Variants in CAMTA2 observed in about 807,000 individuals in gnomAD.
CAMTA2 encodes the protein calmodulin-binding transcription activator 2.
In CAMTA2, 56 loss-of-function variants were observed where a neutral mutation model predicts 135.7. That is an observed-to-expected ratio of 0.41 (90% CI 0.33 to 0.52). The LOEUF (loss-of-function observed/expected upper bound fraction) is 0.52, where lower values mean the gene tolerates loss of function less well. CAMTA2 is among the 20% of genes least tolerant of loss of function. The pLI is 0.16. For missense variants in CAMTA2, 1,358 were observed against 1,553.4 expected (o/e 0.87, Z 2.11); for synonymous variants, 591 against 604.6 (o/e 0.98, Z 0.33).
chr17:4,977,977 G>A (rs1972718207), intron 10 of CAMTA2, among the ~76,000 whole-genome samples: 1 of 152,220 alleles, frequency 6.6e-6, no homozygotes, highest in South Asian at 2.1e-4. Context: ...TTGAAACATG[G>A]TCAGTGAGAC....
In CAMTA2 at chr17:4,974,342, C is replaced by T. The variant is rs764066182; in HGVS notation, c.2016+43G>A. The stretch of plus-strand genomic sequence containing the variant: ...GATGTTTTCTTTAGCTGTGTCCTCC[C>T]CCTGCTCCCCACCGTAGACCACCTC... On this transcript the variant is annotated intron_variant, in intron 12 of 22. Coordinates refer to ENST00000348066, the MANE Select transcript of CAMTA2 (RefSeq NM_015099.4). 48 of 1,263,738 alleles carry T rather than the reference C, an allele frequency of 3.8e-5. No homozygotes were observed. The East Asian group carries it at 6.3e-4, about 16-fold the overall frequency. The allele number at this position is 1,263,738 out of a possible 1,614,324, so 78.3% of individuals were successfully genotyped here.
rs747439940 is a variant in CAMTA2 at position 4,972,866 on chromosome 17, A to C, written c.2406T>G (p.His802Gln). The C allele has an allele frequency of 4.3e-6, 7 of 1,613,762 alleles. No homozygotes were observed. The highest frequency in any genetic ancestry group is 5.9e-6 in the Non-Finnish European group (7 of 1,180,042). ...LPLSVAHSRG[H>Q]VRLARCLEEL... ...CCTCAAGGCAGCGGGCAAGGCGCACATGACCCCGGGAATGAGCCACAGACA... is the reference window on the plus strand; with the variant it reads ...CCTCAAGGCAGCGGGCAAGGCGCACCTGACCCCGGGAATGAGCCACAGACA... Residue 802 changes from histidine to glutamine, a missense_variant, in exon 15 of 23, where the codon CAT becomes CAG. By Grantham distance (24) the His-to-Gln change is conservative (BLOSUM62 0). Around this residue, in one of 4 missense-constraint regions of CAMTA2, gnomAD observed 1,077 missense variants for 1,127.5 expected, o/e 0.96. Transcript: ENST00000348066.
Position 4,981,346 on chromosome 17 carries a change from C to T in CAMTA2, c.579G>A (p.Lys193=). ...CTTCTGTTCCATTCCCGCAGCTCCA[C>T]TTGATGCCATGAACTAGAGAAGTTA... ...GQLKPMFHGI[K]WSCGNGTEEF... The change falls in exon 8 of 23, where the codon AAG becomes AAA. Residue 193 remains lysine, a synonymous_variant. Transcript: ENST00000348066. The T allele has an allele frequency of 1.2e-6, 2 of 1,614,092 alleles. No individual in the cohort carries two copies. The highest frequency in any genetic ancestry group is 1.7e-6 in the Non-Finnish European group (2 of 1,179,948).
In CAMTA2 at chr17:4,977,076, C is replaced by A; in HGVS notation, c.1882G>T (p.Asp628Tyr). 1 of 1,614,106 alleles carries A rather than the reference C, an allele frequency of 6.2e-7. No individual in the cohort carries two copies. The highest frequency in any genetic ancestry group is 8.5e-7 in the Non-Finnish European group (1 of 1,180,018). ...TACTCACCGTCCAGTGACAGCCAGTCAAGTTGAGTACTAGGCAGAGACAGG... is the reference window on the plus strand; with the variant it reads ...TACTCACCGTCCAGTGACAGCCAGTAAAGTTGAGTACTAGGCAGAGACAGG... ...RFLSLPSTQL[D>Y]WLSLDDNQFR... The change falls in exon 11 of 23, where the codon GAC becomes TAC. Residue 628 changes from aspartate to tyrosine, a missense_variant. Transcript: ENST00000348066.
chr17:4,978,384 A>C, intron 10 of CAMTA2, 120 bp downstream of exon 10: 2 of 1,063,320 alleles, frequency 1.9e-6, no homozygotes, highest in East Asian at 5.1e-5. Flanking sequence ...GACTGGATGA[A>C]GTCCTTGTGC....
At chr17:4,978,702 C>A in intron 9 of CAMTA2, 72 bp from the exon 10 acceptor site, 2 of 1,546,454 alleles carry the variant, frequency 1.3e-6, no homozygotes, top group South Asian at 1.2e-5. Flanking sequence ...TTTATTCAGA[C>A]CCTTACAGGG....
rs780552381 is a variant in CAMTA2 at position 4,981,662 on chromosome 17, C to G, written c.565+16G>C. The G allele has an allele frequency of 1.3e-6, 2 of 1,580,404 alleles. No homozygotes were observed. The highest frequency in any genetic ancestry group is 1.8e-5 in the Admixed American group (1 of 54,762). ...TACTCTCCCCTTGGAGCTCTATCCC[C>G]ACCCTGCTGCCTTACACATGGGCTT... On this transcript the variant is annotated intron_variant, in intron 7 of 22. Transcript: ENST00000348066.
Position 4,980,026 on chromosome 17 carries a change from T to G in CAMTA2, c.1296A>C (p.Ser432=), listed in dbSNP as rs778379418. ...QAAARGPPPQ[S]VAGGRRGNCF... is the part of the protein sequence containing the mutation. Reference sequence around the variant, plus strand: ...AGTTTCCTCTTCTCCCACCTGCTACTGACTGTGGTGGGGGACCCCGAGCAG... The same window carrying G: ...AGTTTCCTCTTCTCCCACCTGCTACGGACTGTGGTGGGGGACCCCGAGCAG... The change falls in exon 9 of 23, where the codon TCA becomes TCC. Residue 432 remains serine (S), a synonymous_variant. Transcript: ENST00000348066. This position sits in a 1 kb window ranked among gnomAD's most constrained non-coding sequence, Gnocchi z 5.3. The G allele has an allele frequency of 3.7e-6, 6 of 1,613,760 alleles. No homozygotes were observed. The highest frequency in any genetic ancestry group is 3.3e-5 in the Admixed American group (2 of 60,028).
intron 3 of CAMTA2, among the ~76,000 whole-genome samples, chr17:4,985,186 C>CA (rs897160665): frequency 5.3e-5 from 8 of 150,416 alleles, no homozygotes; most frequent in South Asian, 2.1e-4. Flanking sequence ...GACTCCGTCT[C>CA]AAAAAAAAAG....
intron 11 of CAMTA2, among the ~76,000 whole-genome samples, chr17:4,976,099 G>A (rs970865218): frequency 1.5e-4 from 23 of 152,004 alleles, no homozygotes; most frequent in Non-Finnish European, 5.9e-5. Flanking sequence ...TCCGCCTCTC[G>A]GGTTCAAGCA....
At chr17:4,986,062 G>A (rs1973260350) in intron 2 of CAMTA2, 79 bp from the exon 3 acceptor site, 5 of 1,168,910 alleles carry the variant, frequency 4.3e-6, no homozygotes, top group Non-Finnish European at 6.5e-6. Context: ...AGGGCTGAAG[G>A]CAATACAGAG....
At chr17:4,986,019 C>T (rs1354918438) in intron 2 of CAMTA2, 36 bp from the exon 3 acceptor site, 2 of 1,465,664 alleles carry the variant, frequency 1.4e-6, no homozygotes, top group Non-Finnish European at 1.9e-6. Flanking sequence ...TAGTGTGCTA[C>T]CCTGGGGCAT....
In CAMTA2 at chr17:4,972,496, G is replaced by C. The variant is rs1972356675; in HGVS notation, c.2544C>G (p.Gly848=). 2 of 1,611,332 alleles carry C rather than the reference G, an allele frequency of 1.2e-6. No individual in the cohort carries two copies. Among genetic ancestry groups the C allele is most frequent in the Non-Finnish European group, 1.7e-6 (2 of 1,178,966 alleles). Residue 848 remains glycine (G), a synonymous_variant, in exon 16 of 23, where the codon GGC becomes GGG. Transcript: ENST00000348066. Reference sequence around the variant, plus strand: ...AATAGGCTGACGTGACGGAAAAGGTGCCATCCGACAGCTCCGAGGGCGAGG... The same window carrying C: ...AATAGGCTGACGTGACGGAAAAGGTCCCATCCGACAGCTCCGAGGGCGAGG... ...SVSSPSELSD[G]TFSVTSAYSS... is the part of the protein sequence containing the mutation.
At chr17:4,987,034 G>A in intron 1 of CAMTA2, 1 of 1,418,928 alleles carries the variant, frequency 7.0e-7, no homozygotes, top group Non-Finnish European at 9.1e-7. Context: ...CTCTCAGCAC[G>A]GGCTCCGCCA....
At chr17:4,982,726 G>T (rs1973034969) in intron 5 of CAMTA2, 31 bp downstream of exon 5, 2 of 1,612,832 alleles carry the variant, frequency 1.2e-6, no homozygotes, top group Non-Finnish European at 1.7e-6. Flanking sequence ...GGCAGGCTCG[G>T]GAAGATGAGC....
intron 16 of CAMTA2, among the ~76,000 whole-genome samples, chr17:4,972,007 A>G (rs1972320681): frequency 6.6e-6 from 1 of 151,936 alleles, no homozygotes; most frequent in African/African-American, 2.4e-5. Context: ...TTTTTCCAAC[A>G]TCTGTATTGT....
intron 2 of CAMTA2, 84 bp downstream of exon 2, chr17:4,986,108 G>T: frequency 9.0e-7 from 1 of 1,110,296 alleles, no homozygotes; most frequent in Non-Finnish European, 1.4e-6. Flanking sequence ...AAGGAGAACA[G>T]AAAATCCAAG....
In CAMTA2 at chr17:4,986,923, C is replaced by T. The variant is rs1162710250; in HGVS notation, c.-64-637G>A. 37 of 1,510,360 alleles carry T rather than the reference C, an allele frequency of 2.4e-5. No individual in the cohort carries two copies. The Admixed American group carries it at 3.0e-4, about 12-fold the overall frequency. 93.6% of individuals were successfully genotyped at this position (1,510,360 alleles called of 1,614,324 possible). On this transcript the variant is annotated intron_variant, in intron 1 of 22. Coordinates refer to ENST00000348066, the MANE Select transcript of CAMTA2 (RefSeq NM_015099.4). ...CGTAGCTCCCTCTCCCCAAACGCCT[C>T]TGCCTCCCCTGGCCTCCAGGCCTAG... is the stretch of plus-strand genomic sequence containing the variant.
Position 4,983,052 on chromosome 17 carries a change from G to A in CAMTA2, c.136-9C>T. 1.2e-6 allele frequency: 2 copies of A among 1,612,790 alleles called. No individual in the cohort carries two copies. Among genetic ancestry groups the A allele is most frequent in the South Asian group, 1.1e-5 (1 of 91,040 alleles). On this transcript the variant is annotated splice_polypyrimidine_tract_variant and intron_variant, in intron 3 of 22. Coordinates refer to ENST00000348066, the MANE Select transcript of CAMTA2 (RefSeq NM_015099.4). ...AGGTAGGATGCAATCTCCTGTAGGA[G>A]AGGAGGCACTCAGCTGGGCATCTCC...
Sources: gnomAD v4.1 joint callset for allele counts (sites outside exome capture counted in the v4.1 genomes callset) on GRCh38, gnomAD v4.1.1 for gene constraint, gnomAD v4.1.1 regional missense constraint, Gnocchi (gnomAD v3.1) non-coding constraint, MANE v1.5 for transcripts, NCBI Gene and HGNC (gene_info 2026-07-23, HGNC 2026-07-21) for gene names.